Variants in C18orf63 observed in about 807,000 individuals in gnomAD.
The protein encoded by C18orf63 is chromosome 18 open reading frame 63.
C18orf63 carries 50 observed loss-of-function variants against 75.3 expected under a neutral mutation model. The ratio of observed to expected loss-of-function variants is 0.66; its 90% CI spans 0.53 to 0.84. The LOEUF is 0.84. Among genes scored for constraint, C18orf63 ranks in the 40% least tolerant of loss-of-function variants. C18orf63 has a pLI of 0.00. For missense variants in C18orf63, 732 were observed against 800.2 expected (o/e 0.91, Z 1.03); for synonymous variants, 232 against 267.6 (o/e 0.87, Z 1.30).
At position 74,330,891 on chromosome 18, in the gene C18orf63, T is replaced by C; in HGVS notation, c.450T>C (p.Thr150=). 2 of 1,467,188 alleles carry C rather than the reference T, an allele frequency of 1.4e-6. No homozygotes were observed. The highest frequency in any genetic ancestry group is 1.8e-6 in the Non-Finnish European group (2 of 1,099,586). 90.9% of individuals were successfully genotyped at this position (1,467,188 alleles called of 1,614,324 possible). Residue 150 remains threonine (T), a synonymous_variant, in exon 7 of 14, where the codon ACT becomes ACC. Coordinates refer to ENST00000579455, the MANE Select transcript of C18orf63 (RefSeq NM_001174123.2). The stretch of plus-strand genomic sequence containing the variant: ...TATTAAACATCAATGTAACAGAAAC[T>C]CAAGTTTGTCTAAGTATAGAAGCTT... ...AVVLNINVTE[T]QVCLSIEACT...
chr18:74,328,878 C>T (rs373714082), intron 5 of C18orf63, 117 bp from the exon 6 acceptor site: 380 of 581,590 alleles, frequency 6.5e-4, no homozygotes, highest in African/African-American at 6.4e-3. Context: ...TATATAACAA[C>T]TGCATTTTAA....
At chr18:74,331,708 G>A (rs1309485419) in intron 7 of C18orf63, among the ~76,000 whole-genome samples, 9 of 152,176 alleles carry the variant, frequency 5.9e-5, no homozygotes, top group Admixed American at 5.9e-4. Flanking sequence ...AGTGTCAATA[G>A]TGTGGAGGTT....
chr18:74,352,095 A>G (rs56065725), intron 11 of C18orf63, among the ~76,000 whole-genome samples: 18,491 of 152,246 alleles, frequency 0.12, 1,481 homozygotes, highest in Admixed American at 0.18. Flanking sequence ...CTCATGTTGC[A>G]ATATAAATGA....
chr18:74,356,273 C>T (rs1984763219), intron 13 of C18orf63, among the ~76,000 whole-genome samples: 1 of 151,956 alleles, frequency 6.6e-6, no homozygotes, highest in Non-Finnish European at 1.5e-5. Context: ...CACCCCCCCT[C>T]CCTTCTTCTA....
At chr18:74,334,531 T>C (rs1029048636) in intron 7 of C18orf63, among the ~76,000 whole-genome samples, 4 of 152,102 alleles carry the variant, frequency 2.6e-5, no homozygotes, top group African/African-American at 9.7e-5. Context: ...CAGGGGTTTT[T>C]TGTTTGTTTT....
Position 74,328,040 on chromosome 18 carries a change from G to T in C18orf63, c.364G>T (p.Gly122Cys). The T allele has an allele frequency of 2.0e-6, 3 of 1,529,978 alleles. No homozygotes were observed. Among genetic ancestry groups the T allele is most frequent in the Non-Finnish European group, 2.6e-6 (3 of 1,141,398 alleles). The allele number at this position is 1,529,978 out of a possible 1,614,324, so 94.8% of individuals were successfully genotyped here. The change falls in exon 5 of 14, where the codon GGT (glycine) becomes TGT (cysteine). Residue 122 changes from glycine (G) to cysteine (C), a missense_variant. Coordinates refer to ENST00000579455, the MANE Select transcript of C18orf63 (RefSeq NM_001174123.2). ...ACTTGCTCCAGCCTGGAATAGAACT[G>T]GTCATCTCTTGATACAAGGTAACTT... Reference protein sequence around the residue: ...ARLAPAWNRTGHLLIQGRDFL... With the variant: ...ARLAPAWNRTCHLLIQGRDFL...
intron 11 of C18orf63, among the ~76,000 whole-genome samples, chr18:74,349,855 A>T (rs1052462730): frequency 1.3e-5 from 2 of 152,250 alleles, no homozygotes; most frequent in Non-Finnish European, 2.9e-5. Flanking sequence ...CTGCAAAAAC[A>T]GAAGTGTGGC....
At chr18:74,338,914 A>G (rs1427187830) in intron 8 of C18orf63, 90 bp downstream of exon 8, 2 of 435,886 alleles carry the variant, frequency 4.6e-6, no homozygotes, top group African/African-American at 2.0e-5. Context: ...GTGTAAAAGT[A>G]TAAACTATTT....
At chr18:74,351,498 ACTGC>A (rs1374757868) in intron 11 of C18orf63, among the ~76,000 whole-genome samples, 2 of 152,144 alleles carry the variant, frequency 1.3e-5, no homozygotes, top group Non-Finnish European at 2.9e-5. Context: ...ACAGGAAGAG[ACTGC>A]CTGTCAGCAT....
intron 11 of C18orf63, among the ~76,000 whole-genome samples, chr18:74,347,063 A>G (rs1984586085): frequency 6.6e-6 from 1 of 152,210 alleles, no homozygotes; most frequent in South Asian, 2.1e-4. Flanking sequence ...AAGCTCTAGA[A>G]ACAGGCTGCC....
At chr18:74,356,271 CT>C (rs759869065) in intron 13 of C18orf63, among the ~76,000 whole-genome samples, 15 of 152,018 alleles carry the variant, frequency 9.9e-5, no homozygotes, top group Admixed American at 3.3e-4. Flanking sequence ...TTCACCCCCC[CT>C]CCCTTCTTCT....
intron 11 of C18orf63, among the ~76,000 whole-genome samples, chr18:74,345,187 T>C (rs943867807): frequency 6.6e-6 from 1 of 152,012 alleles, no homozygotes; most frequent in African/African-American, 2.4e-5. Context: ...TGGATTTTTT[T>C]TGAAATGCCA....
intron 4 of C18orf63, among the ~76,000 whole-genome samples, chr18:74,326,594 T>A (rs1984211998): frequency 6.6e-6 from 1 of 152,202 alleles, no homozygotes; most frequent in Non-Finnish European, 1.5e-5. Context: ...GGCCTGTTCC[T>A]AGGTTCCCCT....
At position 74,353,261 on chromosome 18, in the gene C18orf63, C is replaced by T. The variant is rs749966670; in HGVS notation, c.994C>T (p.Pro332Ser). Residue 332 changes from proline (P) to serine (S), a missense_variant, in exon 12 of 14, where the codon CCA becomes TCA. Physicochemically the swap from Pro to Ser is moderately conservative, Grantham distance 74 (BLOSUM62 -1). This residue lies in a region of C18orf63 where 495 missense variants were observed against 508.7 expected (regional missense o/e 0.97). Coordinates refer to ENST00000579455, the MANE Select transcript of C18orf63 (RefSeq NM_001174123.2). The part of the protein sequence containing the change: ...KPNIQEHKVK[P>S]PNLTTKKMLR... Reference sequence around the variant, plus strand: ...TCCTTTTCAGGAACACAAAGTCAAGCCACCCAATTTGACCACTAAAAAAAT... The same window carrying T: ...TCCTTTTCAGGAACACAAAGTCAAGTCACCCAATTTGACCACTAAAAAAAT... The T allele has an allele frequency of 2.5e-5, 38 of 1,533,698 alleles. No individual in the cohort carries two copies. The Admixed American group carries it at 3.0e-4, about 12-fold the overall frequency.
chr18:74,346,669 T>C (rs1406299909), intron 11 of C18orf63, among the ~76,000 whole-genome samples: 1 of 152,230 alleles, frequency 6.6e-6, no homozygotes, highest in Non-Finnish European at 1.5e-5. Context: ...ATTTCTGGAA[T>C]ACTTAAGATT....
chr18:74,323,064 C>T (rs1363105577), intron 4 of C18orf63, among the ~76,000 whole-genome samples: 3 of 152,164 alleles, frequency 2.0e-5, no homozygotes, highest in African/African-American at 7.2e-5. Flanking sequence ...TTATTGTCCA[C>T]ATTATATAGC....
intron 11 of C18orf63, among the ~76,000 whole-genome samples, chr18:74,352,688 T>G (rs1984687701): frequency 6.6e-6 from 1 of 152,180 alleles, no homozygotes; most frequent in Non-Finnish European, 1.5e-5. Flanking sequence ...CTGTGAAGGA[T>G]ATAAGAGTAA....
intron 5 of C18orf63, among the ~76,000 whole-genome samples, chr18:74,328,756 T>C (rs1416283783): frequency 6.6e-6 from 1 of 152,246 alleles, no homozygotes; most frequent in African/African-American, 2.4e-5. Flanking sequence ...TTTCTAAATA[T>C]TTTATAGCAG....
chr18:74,325,811 A>C (rs1984197935), intron 4 of C18orf63, among the ~76,000 whole-genome samples: 1 of 152,240 alleles, frequency 6.6e-6, no homozygotes. Context: ...GGAGTCACTC[A>C]CATAGAAAAG....
Sources: gnomAD v4.1 joint callset for allele counts (sites outside exome capture counted in the v4.1 genomes callset) on GRCh38, gnomAD v4.1.1 for gene constraint, gnomAD v4.1.1 regional missense constraint, MANE v1.5 for transcripts, NCBI Gene and HGNC (gene_info 2026-07-23, HGNC 2026-07-21) for gene names.